Variants in CLDN14 observed in about 807,000 individuals in gnomAD.
CLDN14 encodes claudin 14.
CLDN14 carries 2 observed loss-of-function variants against 2.1 expected under a neutral mutation model. The observed-to-expected ratio is 0.96, with a 90% CI of 0.39 to 3.01. The LOEUF is 3.01. CLDN14 is among the 30% of genes most tolerant of loss of function. CLDN14 has a pLI of 0.09. For synonymous variants in CLDN14, 136 were observed against 154.4 expected (o/e 0.88, Z 0.88); for missense variants, 298 against 328.0 (o/e 0.91, Z 0.71).
Position 36,534,353 on chromosome 21 carries a change from CGGTTGACA to C in CLDN14, c.-219-23861_-219-23854del, listed in dbSNP as rs778358957. Among the ~76,000 whole-genome samples the C allele has an allele frequency of 5.9e-5, 9 of 152,226 alleles. No individual in the cohort carries two copies. In the East Asian group the frequency reaches 1.7e-3, roughly 29 times the overall value. ...GGGGGTGGCATCTGCATGCAACACA[CGGTTGACA>C]GGAAAAAGGGATGATGGAAGCCCAG... On this transcript the variant is annotated intron_variant, in intron 1 of 2. Transcript: ENST00000342108.
chr21:36,499,876 G>C lies in CLDN14; in HGVS notation c.-82+10487C>G, dbSNP rs1447925808. 6.6e-6 allele frequency among the ~76,000 whole-genome samples: 1 copy of C among 151,956 alleles called. No homozygotes were observed. Among genetic ancestry groups the C allele is most frequent in the Non-Finnish European group, 1.5e-5 (1 of 68,022 alleles). The stretch of plus-strand genomic sequence containing the variant: ...ACGAGCAACATTTTCACAACATCAG[G>C]GGGCTGGTGGAGAAAATCGGGGGGT... On this transcript the variant is annotated intron_variant, in intron 2 of 2. Transcript: ENST00000342108. This position sits in a 1 kb window ranked among gnomAD's most constrained non-coding sequence, Gnocchi z 4.7.
intron 1 of CLDN14, among the ~76,000 whole-genome samples, chr21:36,519,452 C>T (rs2087252015): frequency 2.0e-5 from 3 of 152,184 alleles, no homozygotes; most frequent in African/African-American, 7.2e-5. Context: ...TGGCTCTTGC[C>T]TGTAATCCCA....
At chr21:36,549,686 C>A (rs2146516413) in intron 1 of CLDN14, among the ~76,000 whole-genome samples, 1 of 152,364 alleles carries the variant, frequency 6.6e-6, no homozygotes, top group Non-Finnish European at 1.5e-5. Flanking sequence ...CACTTGTCAG[C>A]ACACAACGGC....
chr21:36,525,554 C>T lies in CLDN14; in HGVS notation c.-219-15054G>A, dbSNP rs375745702. Among the ~76,000 whole-genome samples, 21 of 152,144 alleles carry T rather than the reference C, an allele frequency of 1.4e-4. No homozygotes were observed. The South Asian group carries it at 3.3e-3, about 24-fold the overall frequency. On this transcript the variant is annotated intron_variant, in intron 1 of 2. Coordinates refer to the CLDN14 transcript ENST00000342108. ...GGGACACCAAAGATGACAGAAGAGC[C>T]GGCATGAGGTCAAAGGGAGGCCAGA... is the stretch of plus-strand genomic sequence containing the variant.
At chr21:36,564,882 G>GA (rs2087661662) in intron 1 of CLDN14, among the ~76,000 whole-genome samples, 1 of 152,190 alleles carries the variant, frequency 6.6e-6, no homozygotes, top group Admixed American at 6.5e-5. Flanking sequence ...TGAAGGTGGA[G>GA]AAAGGGGCCA....
chr21:36,478,623 C>T (rs1235868779), intron 1 of CLDN14, among the ~76,000 whole-genome samples: 3 of 152,196 alleles, frequency 2.0e-5, no homozygotes, highest in African/African-American at 7.2e-5. Flanking sequence ...CAGACCTGGG[C>T]CCAGCCCCTG....
intron 1 of CLDN14, among the ~76,000 whole-genome samples, chr21:36,468,766 T>TC (rs2086676960): frequency 7.0e-6 from 1 of 142,822 alleles, no homozygotes; most frequent in Non-Finnish European, 1.6e-5. Flanking sequence ...TTTCTTTCTT[T>TC]CTTTTTTTTT....
At chr21:36,490,436 T>G (rs2086949710) in intron 2 of CLDN14, among the ~76,000 whole-genome samples, 1 of 142,490 alleles carries the variant, frequency 7.0e-6, no homozygotes, top group African/African-American at 2.6e-5. Flanking sequence ...TCACCCAGGC[T>G]GGACTGCAGT....
intron 1 of CLDN14, among the ~76,000 whole-genome samples, chr21:36,527,357 A>G (rs1019007438): frequency 5.3e-5 from 8 of 152,200 alleles, no homozygotes; most frequent in Admixed American, 2.0e-4. Context: ...GCTACCCTCC[A>G]TGAGATAATT....
chr21:36,564,537 C>T (rs2087658808), intron 1 of CLDN14, among the ~76,000 whole-genome samples: 1 of 152,218 alleles, frequency 6.6e-6, no homozygotes, highest in African/African-American at 2.4e-5. Context: ...GATTGAGTCT[C>T]TTTGGTGAGC....
chr21:36,475,322 T>C (rs1317834498), intron 1 of CLDN14, among the ~76,000 whole-genome samples: 1 of 152,124 alleles, frequency 6.6e-6, no homozygotes, highest in African/African-American at 2.4e-5. Flanking sequence ...TGGAGGGACA[T>C]TGAGGACAAT....
At chr21:36,538,840 TCA>T (rs1352141105) in intron 1 of CLDN14, among the ~76,000 whole-genome samples, 2 of 152,142 alleles carry the variant, frequency 1.3e-5, no homozygotes, top group African/African-American at 4.8e-5. Context: ...TCTTCAGAGA[TCA>T]CCCCAACTCA....
Position 36,488,268 on chromosome 21 carries a change from T to TCCTTCCTC in CLDN14, c.-82+22094_-82+22095insGAGGAAGG, listed in dbSNP as rs879439464. 1.0e-3 allele frequency among the ~76,000 whole-genome samples: 157 copies of TCCTTCCTC among 150,234 alleles called. 1 individual carries two copies. Among genetic ancestry groups the TCCTTCCTC allele is most frequent in the Non-Finnish European group, 1.8e-3 (120 of 67,584 alleles). On this transcript the variant is annotated intron_variant, in intron 2 of 2. Transcript: ENST00000342108. ...TTCCTTCCTTCCTTCCTTCCTTCCT[T>TCCTTCCTC]CCTTCCCTCTCTCTTTCTTTTTGAG... is the stretch of plus-strand genomic sequence containing the variant.
chr21:36,548,024 C>T lies in CLDN14; in HGVS notation c.-220+28387G>A, dbSNP rs549616421. 4.3e-4 allele frequency among the ~76,000 whole-genome samples: 65 copies of T among 152,274 alleles called. 3 individuals carry two copies. The South Asian group carries it at 0.012, about 28-fold the overall frequency. On this transcript the variant is annotated intron_variant, in intron 1 of 2. Transcript: ENST00000342108. ...ACCTTGGTCCCCCTCTTTCTCCTCG[C>T]GTCCTCTGCCTCTCAACTCTGGCTC...
chr21:36,539,886 G>A (rs946550743), intron 1 of CLDN14, among the ~76,000 whole-genome samples: 7 of 150,754 alleles, frequency 4.6e-5, no homozygotes, highest in East Asian at 2.0e-4. Context: ...GCAGATGAGC[G>A]TCTGTGCAGA....
At chr21:36,550,580 A>G (rs452128) in intron 1 of CLDN14, among the ~76,000 whole-genome samples, 111,835 of 151,692 alleles carry the variant, frequency 0.74, 42,641 homozygotes, top group Non-Finnish European at 0.85. Context: ...CCATGGCATC[A>G]GCCCGGTTTC....
chr21:36,543,032 A>T (rs1027271637), intron 1 of CLDN14, among the ~76,000 whole-genome samples: 1 of 152,230 alleles, frequency 6.6e-6, no homozygotes, highest in East Asian at 1.9e-4. Context: ...AGGGGGGAGC[A>T]CAAGGGTCTC....
intron 2 of CLDN14, among the ~76,000 whole-genome samples, chr21:36,501,509 G>T (rs1368206582): frequency 6.6e-6 from 1 of 151,984 alleles, no homozygotes; most frequent in Non-Finnish European, 1.5e-5. Context: ...CCTGAAGTCA[G>T]TGGGACATTT....
At chr21:36,536,326 C>A (rs950058946) in intron 1 of CLDN14, among the ~76,000 whole-genome samples, 1 of 152,224 alleles carries the variant, frequency 6.6e-6, no homozygotes, top group African/African-American at 2.4e-5. Flanking sequence ...ATCCTCAGTT[C>A]TCCCTCGTGT....
Sources: gnomAD v4.1 joint callset for allele counts (sites outside exome capture counted in the v4.1 genomes callset) on GRCh38, gnomAD v4.1.1 for gene constraint, Gnocchi (gnomAD v3.1) non-coding constraint, MANE v1.5 for transcripts, NCBI Gene and HGNC (gene_info 2026-07-23, HGNC 2026-07-21) for gene names.